The following GLG1 variants were observed in gnomAD, a reference collection of about 807,000 sequenced individuals.
GLG1 encodes the protein Golgi apparatus protein 1.
A neutral mutation model predicts 160.5 loss-of-function variants in GLG1; 38 were observed. That is an observed-to-expected ratio of 0.24 (90% CI 0.18 to 0.31). GLG1 has a LOEUF of 0.31. Among genes scored for constraint, GLG1 ranks in the 10% least tolerant of loss-of-function variants. The pLI is 1.00. For synonymous variants in GLG1, 644 were observed against 543.4 expected, an observed-to-expected ratio of 1.19 and a Z score of -2.57; for missense variants, 1,373 against 1,505.2, an observed-to-expected ratio of 0.91 and a Z score of 1.45.
At chr16:74,531,287 T>C (rs2017523609) in intron 2 of GLG1, among the ~76,000 whole-genome samples, 1 of 152,226 alleles carries the variant, frequency 6.6e-6, no homozygotes. Context: ...TATAGATGCC[T>C]CTTCTAAGAC....
At position 74,456,207 on chromosome 16, in the gene GLG1, G is replaced by A. The variant is rs572922222; in HGVS notation, c.3372+442C>T. ...GTCTTTGGGTGACTCACTTTTCAGC[G>A]GTGAACAGTGGGCGAAATGAGAAAG... is the stretch of plus-strand genomic sequence containing the variant. On this transcript the variant is annotated intron_variant, in intron 25 of 25. Coordinates refer to ENST00000422840, the MANE Select transcript of GLG1 (RefSeq NM_001145667.2). Among the ~76,000 whole-genome samples the A allele has an allele frequency of 1.7e-4, 26 of 152,302 alleles. No individual in the cohort carries two copies. In the South Asian group the frequency reaches 4.1e-3, roughly 24 times the overall value.
chr16:74,472,682 T>C (rs1213927347), intron 13 of GLG1: 4 of 682,776 alleles, frequency 5.9e-6, no homozygotes, highest in Non-Finnish European at 9.5e-6. Flanking sequence ...TAAAAACACA[T>C]GTAGCAATAA....
At chr16:74,558,638 A>T (rs1217091566) in intron 1 of GLG1, among the ~76,000 whole-genome samples, 1 of 152,196 alleles carries the variant, frequency 6.6e-6, no homozygotes, top group Non-Finnish European at 1.5e-5. Flanking sequence ...ATGTGAAGAA[A>T]TCTCCAATTT....
At chr16:74,497,942 G>A (rs898579949) in intron 4 of GLG1, among the ~76,000 whole-genome samples, 1 of 152,124 alleles carries the variant, frequency 6.6e-6, no homozygotes, top group Non-Finnish European at 1.5e-5. Context: ...GCTTCTGAGA[G>A]TTTTCTTAAA....
chr16:74,495,025 C>T (rs2016134421), intron 5 of GLG1, among the ~76,000 whole-genome samples, 194 bp from the exon 6 acceptor site: 1 of 151,636 alleles, frequency 6.6e-6, no homozygotes, highest in Admixed American at 6.6e-5. Context: ...AAAAAATATT[C>T]CCATGATATT....
chr16:74,531,751 C>G (rs1205429104), intron 2 of GLG1, among the ~76,000 whole-genome samples: 1 of 152,198 alleles, frequency 6.6e-6, no homozygotes, highest in Admixed American at 6.5e-5. Context: ...GAGTTGATTT[C>G]ACATCAGTCT....
chr16:74,543,388 G>C (rs1234583959), intron 1 of GLG1, among the ~76,000 whole-genome samples: 1 of 152,246 alleles, frequency 6.6e-6, no homozygotes, highest in Non-Finnish European at 1.5e-5. Context: ...GCTTTCTTAA[G>C]ACCAGGAGTT....
chr16:74,595,598 G>A (rs1310749434), intron 1 of GLG1, among the ~76,000 whole-genome samples: 3 of 152,136 alleles, frequency 2.0e-5, no homozygotes, highest in Admixed American at 6.6e-5. Flanking sequence ...TGTACTGTAC[G>A]CCTACAGCAT....
At chr16:74,477,795 G>A (rs1304355309) in intron 11 of GLG1, among the ~76,000 whole-genome samples, 3 of 151,906 alleles carry the variant, frequency 2.0e-5, no homozygotes, top group African/African-American at 7.3e-5. Context: ...CCTACATGGA[G>A]AAACCCTGTC....
At chr16:74,567,674 T>C (rs1444941966) in intron 1 of GLG1, among the ~76,000 whole-genome samples, 1 of 148,888 alleles carries the variant, frequency 6.7e-6, no homozygotes, top group Non-Finnish European at 1.5e-5. Flanking sequence ...GTTCACGCCA[T>C]TCTCCTGCCT....
At chr16:74,543,260 A>T (rs1331277617) in intron 1 of GLG1, among the ~76,000 whole-genome samples, 1 of 152,258 alleles carries the variant, frequency 6.6e-6, no homozygotes, top group East Asian at 1.9e-4. Context: ...TGCGTAGCTC[A>T]AAGAAAGAGA....
chr16:74,540,090 A>AT (rs1335873254), intron 1 of GLG1, among the ~76,000 whole-genome samples: 82 of 1,144 alleles, frequency 0.072, 36 homozygotes, highest in African/African-American at 0.08. Context: ...TTTTATATAT[A>AT]TATTATATAT....
intron 1 of GLG1, among the ~76,000 whole-genome samples, chr16:74,585,931 C>T (rs185467260): frequency 2.0e-5 from 3 of 151,088 alleles, no homozygotes; most frequent in East Asian, 2.0e-4. Flanking sequence ...GGTGTAGTGG[C>T]GGGTGCCTGT....
chr16:74,566,915 C>A (rs1034629323), intron 1 of GLG1, among the ~76,000 whole-genome samples: 1 of 152,012 alleles, frequency 6.6e-6, no homozygotes, highest in Non-Finnish European at 1.5e-5. Flanking sequence ...TTATTTTAAA[C>A]CTAACACATA....
chr16:74,459,907 G>C, intron 22 of GLG1, 118 bp from the exon 23 acceptor site: 1 of 557,452 alleles, frequency 1.8e-6, no homozygotes, highest in South Asian at 2.6e-5. Flanking sequence ...CCAGGCTGCA[G>C]TGCAGTGGTG....
chr16:74,559,825 T>C (rs1006705473), intron 1 of GLG1, among the ~76,000 whole-genome samples: 2 of 152,200 alleles, frequency 1.3e-5, no homozygotes, highest in East Asian at 3.8e-4. Context: ...TCACCTAAAA[T>C]GTAACATGCC....
chr16:74,579,587 T>C (rs951745185), intron 1 of GLG1, among the ~76,000 whole-genome samples: 1 of 151,788 alleles, frequency 6.6e-6, no homozygotes, highest in Non-Finnish European at 1.5e-5. Flanking sequence ...CCAGGTGTAG[T>C]GGCACACACC....
At chr16:74,499,893 C>G (rs1228942873) in intron 4 of GLG1, among the ~76,000 whole-genome samples, 2 of 152,162 alleles carry the variant, frequency 1.3e-5, no homozygotes, top group Non-Finnish European at 2.9e-5. Flanking sequence ...GTCCCAGCCA[C>G]TCAGGAGGCT....
At chr16:74,545,838 A>G (rs189059670) in intron 1 of GLG1, among the ~76,000 whole-genome samples, 384 of 152,336 alleles carry the variant, frequency 2.5e-3, no homozygotes, top group Non-Finnish European at 3.6e-3. Flanking sequence ...TCCAGTCAAT[A>G]TAATTCTCTC....
Sources: allele counts gnomAD v4.1 joint callset (sites outside exome capture counted in the v4.1 genomes callset), GRCh38; gene constraint gnomAD v4.1.1; transcripts MANE v1.5; gene names NCBI Gene and HGNC (gene_info 2026-07-23, HGNC 2026-07-21).